Variants in ZC3H15 observed in about 807,000 individuals in gnomAD.
ZC3H15 encodes zinc finger CCCH domain-containing protein 15.
In ZC3H15, 15 loss-of-function variants were observed where a neutral mutation model predicts 51.2. The ratio of observed to expected loss-of-function variants is 0.29; its 90% CI spans 0.20 to 0.45. ZC3H15 has a LOEUF of 0.45. ZC3H15 is among the 20% of genes least tolerant of loss of function. ZC3H15 has a pLI of 1.00. For synonymous variants in ZC3H15, 144 were observed against 162.8 expected (o/e 0.88, Z 0.88); for missense variants, 381 against 494.7 (o/e 0.77, Z 2.18).
At chr2:186,498,154 C>T (rs748097410) in intron 2 of ZC3H15, among the ~76,000 whole-genome samples, 13 of 152,184 alleles carry the variant, frequency 8.5e-5, no homozygotes, top group African/African-American at 9.6e-5. Context: ...GAACAGTGTA[C>T]GCTAAGGGTT....
intron 1 of ZC3H15, among the ~76,000 whole-genome samples, chr2:186,490,443 A>G (rs1419026906): frequency 6.6e-6 from 1 of 152,226 alleles, no homozygotes; most frequent in Non-Finnish European, 1.5e-5. Flanking sequence ...GGAGCAAGAG[A>G]AATTGGTTGC....
chr2:186,502,830 C>G (rs985954323), intron 5 of ZC3H15, among the ~76,000 whole-genome samples: 3 of 152,062 alleles, frequency 2.0e-5, no homozygotes, highest in Non-Finnish European at 4.4e-5. Flanking sequence ...ATGCCATTTT[C>G]TGAGGTGAAC....
intron 8 of ZC3H15, among the ~76,000 whole-genome samples, chr2:186,506,460 T>G (rs1685468947): frequency 6.6e-6 from 1 of 152,230 alleles, no homozygotes; most frequent in Admixed American, 6.5e-5. Context: ...ATAGATCTTT[T>G]GTTTTTGTTT....
At chr2:186,487,458 C>T (rs1685119148) in intron 1 of ZC3H15, 1 of 152,148 alleles carries the variant, frequency 6.6e-6, no homozygotes, top group South Asian at 2.1e-4. Context: ...ACCATTTTAC[C>T]GCATAAGGTG....
chr2:186,500,736 A>G, intron 3 of ZC3H15: 2 of 453,058 alleles, frequency 4.4e-6, no homozygotes, highest in South Asian at 1.6e-5. Context: ...GTGCAGTGGC[A>G]CCATCTCAGC....
At chr2:186,500,320 T>A in intron 3 of ZC3H15, 27 bp downstream of exon 3, 1 of 1,542,256 alleles carries the variant, frequency 6.5e-7, no homozygotes, top group Non-Finnish European at 8.8e-7. Context: ...AGAAGTGTGA[T>A]TTTTTATCAA....
chr2:186,489,399 C>T lies in ZC3H15; in HGVS notation c.75+2942C>T, dbSNP rs189898504. 3.8e-3 allele frequency among the ~76,000 whole-genome samples: 577 copies of T among 152,198 alleles called. 3 individuals are homozygous for T. Among genetic ancestry groups the T allele is most frequent in the Non-Finnish European group, 5.9e-3 (401 of 68,004 alleles). ...TTTAAACTTCCCTAAAAGCCTAGCA[C>T]GTCTCAGTGACTATTCCAAGAAGAT... On this transcript the variant is annotated intron_variant, in intron 1 of 9. Transcript: ENST00000337859.
chr2:186,504,316 A>T, intron 6 of ZC3H15, 102 bp downstream of exon 6: 7 of 1,062,350 alleles, frequency 6.6e-6, no homozygotes, highest in Non-Finnish European at 9.0e-6. Context: ...AAAGGAAAAA[A>T]AAAATATTGT....
At chr2:186,508,120 G>C (rs1685496853) in intron 9 of ZC3H15, among the ~76,000 whole-genome samples, 1 of 151,968 alleles carries the variant, frequency 6.6e-6, no homozygotes, top group African/African-American at 2.4e-5. Context: ...CATTACAACA[G>C]CATGATTTAA....
At chr2:186,489,324 G>T (rs1685157690) in intron 1 of ZC3H15, among the ~76,000 whole-genome samples, 1 of 152,148 alleles carries the variant, frequency 6.6e-6, no homozygotes, top group Non-Finnish European at 1.5e-5. Flanking sequence ...CTGTTATTCA[G>T]CCTGGTTAGG....
chr2:186,501,789 G>A (rs1405109784), intron 4 of ZC3H15, among the ~76,000 whole-genome samples: 1 of 151,344 alleles, frequency 6.6e-6, no homozygotes, highest in East Asian at 2.0e-4. Context: ...TCAGCTCACT[G>A]CAGTCTCCAT....
chr2:186,508,862 G>A lies in ZC3H15; in HGVS notation c.*129G>A. 3.1e-6 allele frequency: 3 copies of A among 954,820 alleles called. No individual in the cohort carries two copies. The highest frequency in any genetic ancestry group is 5.1e-4 in the Middle Eastern group (2 of 3,948). The allele number at this position is 954,820 out of a possible 1,614,324, so 59.1% of individuals were successfully genotyped here. On this transcript the variant is annotated 3_prime_UTR_variant, in exon 10 of 10. Transcript: ENST00000337859. ...CTGATTCTGGAGGAGTTAACCTCCT[G>A]CAAAAAAGGCATCTTGTCCCTACAT... is the stretch of plus-strand genomic sequence containing the variant.
intron 4 of ZC3H15, 76 bp from the exon 5 acceptor site, chr2:186,502,420 A>G: frequency 8.1e-7 from 1 of 1,240,550 alleles, no homozygotes; most frequent in Non-Finnish European, 1.1e-6. Context: ...ATAACACAGC[A>G]TTAGTGTCTA....
chr2:186,495,263 G>A lies in ZC3H15; in HGVS notation c.106G>A (p.Gly36Arg). ...DKTFGLKNKK[G>R]AKQQKFIKAV... ...AACTTTCGGTTTGAAGAATAAGAAAGGAGCAAAGCAACAGAAGTTTATCAA... is the reference window on the plus strand; with the variant it reads ...AACTTTCGGTTTGAAGAATAAGAAAAGAGCAAAGCAACAGAAGTTTATCAA... Residue 36 changes from glycine (G) to arginine (R), a missense_variant, in exon 2 of 10, where the codon GGA (glycine) becomes AGA (arginine). By Grantham distance (125) the Gly-to-Arg change is moderately radical (BLOSUM62 -2). This residue lies in a region of ZC3H15 where 125 missense variants were observed against 166.3 expected (regional missense o/e 0.75). Coordinates refer to ENST00000337859, the MANE Select transcript of ZC3H15 (RefSeq NM_018471.3). 6.4e-7 allele frequency: 1 copy of A among 1,551,740 alleles called. No individual in the cohort carries two copies. Among genetic ancestry groups the A allele is most frequent in the Non-Finnish European group, 8.7e-7 (1 of 1,154,520 alleles).
rs543933793 is a variant in ZC3H15 at position 186,490,748 on chromosome 2, G to A, written c.75+4291G>A. On this transcript the variant is annotated intron_variant, in intron 1 of 9. Coordinates refer to ENST00000337859, the MANE Select transcript of ZC3H15 (RefSeq NM_018471.3). Reference sequence around the variant, plus strand: ...CCGTAAAAGGAATGGGATTACGTACGGATGGGAGGGAAGTTTTAAGTGAAG... The same window carrying A: ...CCGTAAAAGGAATGGGATTACGTACAGATGGGAGGGAAGTTTTAAGTGAAG... Among the ~76,000 whole-genome samples, 3 of 152,226 alleles carry A rather than the reference G, an allele frequency of 2.0e-5. No homozygotes were observed. In the South Asian group the frequency reaches 6.2e-4, roughly 32 times the overall value.
chr2:186,503,321 A>G (rs1006066176), intron 5 of ZC3H15, among the ~76,000 whole-genome samples: 1 of 152,152 alleles, frequency 6.6e-6, no homozygotes, highest in African/African-American at 2.4e-5. Flanking sequence ...GCTCCTGTAT[A>G]CTGCTTGTGA....
At chr2:186,501,870 C>G (rs762584601) in intron 4 of ZC3H15, among the ~76,000 whole-genome samples, 3 of 152,008 alleles carry the variant, frequency 2.0e-5, no homozygotes, top group Non-Finnish European at 4.4e-5. Context: ...TGCCGCCACG[C>G]CCAGCTCATT....
intron 2 of ZC3H15, chr2:186,497,270 A>G: frequency 3.3e-6 from 1 of 307,308 alleles, no homozygotes; most frequent in Non-Finnish European, 6.2e-6. Flanking sequence ...AGATAAGTAA[A>G]TTTCTCTTGC....
At position 186,504,100 on chromosome 2, in the gene ZC3H15, G is replaced by A. The variant is rs1166842189; in HGVS notation, c.603G>A (p.Gly201=). 6.2e-7 allele frequency: 1 copy of A among 1,609,490 alleles called. No homozygotes were observed. Among genetic ancestry groups the A allele is most frequent in the Middle Eastern group, 1.7e-4 (1 of 6,044 alleles). Residue 201 remains glycine (G), a synonymous_variant, in exon 6 of 10, where the codon GGG becomes GGA. Transcript: ENST00000337859. ...KYGWFWVCPG[G]GDICMYRHAL... is the part of the protein sequence containing the mutation. The stretch of plus-strand genomic sequence containing the variant: ...GCTGGTTTTGGGTATGCCCTGGAGG[G>A]GGTGATATTTGCATGTATCGTCATG...
Sources: gnomAD v4.1 joint callset for allele counts (sites outside exome capture counted in the v4.1 genomes callset) on GRCh38, gnomAD v4.1.1 for gene constraint, gnomAD v4.1.1 regional missense constraint, MANE v1.5 for transcripts, NCBI Gene and HGNC (gene_info 2026-07-23, HGNC 2026-07-21) for gene names.